Variants in WASF3 observed in about 807,000 individuals in gnomAD.
The protein encoded by WASF3 is WASP family member 3.
Under a neutral mutation model 46.6 loss-of-function variants are expected in WASF3, and 11 were observed. The ratio of observed to expected loss-of-function variants is 0.24; its 90% confidence interval spans 0.15 to 0.39. The LOEUF is 0.39. Among genes scored for constraint, WASF3 ranks in the 10% least tolerant of loss-of-function variants. The pLI is 1.00. For missense variants in WASF3, 576 were observed against 669.8 expected (o/e 0.86, Z 1.55); for synonymous variants, 242 against 259.7 (o/e 0.93, Z 0.65).
intron 1 of WASF3, among the ~76,000 whole-genome samples, chr13:26,580,495 A>G (rs1029305262): frequency 2.6e-5 from 4 of 152,188 alleles, no homozygotes; most frequent in African/African-American, 7.2e-5. Context: ...TTAGCATTCA[A>G]ATATTATTCC....
chr13:26,649,999 G>T (rs1882268059), intron 3 of WASF3, among the ~76,000 whole-genome samples: 1 of 152,142 alleles, frequency 6.6e-6, no homozygotes, highest in South Asian at 2.1e-4. Flanking sequence ...AACCCAGCAG[G>T]CGGAGGTTGC....
At chr13:26,644,868 A>G (rs1251822638) in intron 3 of WASF3, among the ~76,000 whole-genome samples, 1 of 152,158 alleles carries the variant, frequency 6.6e-6, no homozygotes, top group Non-Finnish European at 1.5e-5. Context: ...CGCAAGGCCC[A>G]CAAGGTGGAG....
intron 1 of WASF3, chr13:26,577,620 C>G: frequency 8.4e-7 from 1 of 1,189,650 alleles, no homozygotes. Context: ...GGGAGCAAGA[C>G]AGGTGCTAAA....
chr13:26,659,075 T>C (rs1391826283), intron 3 of WASF3, among the ~76,000 whole-genome samples: 1 of 152,184 alleles, frequency 6.6e-6, no homozygotes, highest in Non-Finnish European at 1.5e-5. Context: ...TATTACTTGG[T>C]GATTAGTGCT....
intron 1 of WASF3, chr13:26,577,369 C>T: frequency 3.9e-6 from 3 of 768,186 alleles, no homozygotes; most frequent in Non-Finnish European, 7.1e-6. Context: ...AACAGGTCCG[C>T]CAAATCCGGA....
Position 26,687,454 on chromosome 13 carries a change from C to G in WASF3, c.*1609C>G, listed in dbSNP as rs776959403. ...TCAGTGTGTGTGTCTCGAGTGGCTACCTGTTGGGCTTGTGGGCAGTGATTG... is the reference window on the plus strand; with the variant it reads ...TCAGTGTGTGTGTCTCGAGTGGCTAGCTGTTGGGCTTGTGGGCAGTGATTG... On this transcript the variant is annotated 3_prime_UTR_variant, in exon 10 of 10. Coordinates refer to ENST00000335327, the MANE Select transcript of WASF3 (RefSeq NM_006646.6). The G allele has an allele frequency of 1.3e-5, 2 of 152,114 alleles. No individual in the cohort carries two copies. Among genetic ancestry groups the G allele is most frequent in the Non-Finnish European group, 2.9e-5 (2 of 68,060 alleles). The allele number at this position is 152,114 out of a possible 1,614,324, so 9.4% of individuals were successfully genotyped here. A position where few individuals can be genotyped will look rare whatever the true frequency, so the allele number is the denominator to read the frequency against.
chr13:26,602,661 G>T (rs1031005537), intron 1 of WASF3, among the ~76,000 whole-genome samples: 3 of 152,134 alleles, frequency 2.0e-5, no homozygotes, highest in African/African-American at 7.2e-5. Flanking sequence ...GAGAGAAAAA[G>T]AAAAACTGAA....
At chr13:26,546,715 A>G in the WASF3 span, among the ~76,000 whole-genome samples, 1 of 152,240 alleles carries the variant, frequency 6.6e-6, no homozygotes, top group South Asian at 2.1e-4. Context: ...CCATCTCAAA[A>G]TAAAATAAAA....
intron 4 of WASF3, among the ~76,000 whole-genome samples, chr13:26,666,999 T>G (rs1882794242): frequency 6.6e-6 from 1 of 152,098 alleles, no homozygotes; most frequent in Non-Finnish European, 1.5e-5. Context: ...TCGATCAAGC[T>G]ACTTAATTTT....
intron 1 of WASF3, among the ~76,000 whole-genome samples, chr13:26,564,484 T>G (rs1879397345): frequency 6.6e-6 from 1 of 152,238 alleles, no homozygotes; most frequent in African/African-American, 2.4e-5. Flanking sequence ...TGAATTGAAT[T>G]TTTAAAAGTT....
At chr13:26,567,066 G>A (rs1879487721) in intron 1 of WASF3, among the ~76,000 whole-genome samples, 1 of 152,244 alleles carries the variant, frequency 6.6e-6, no homozygotes, top group Admixed American at 6.5e-5. Context: ...ACATTGAACA[G>A]TGGTTCTTGT....
chr13:26,649,020 T>C (rs1484071247), intron 3 of WASF3, among the ~76,000 whole-genome samples: 4 of 152,218 alleles, frequency 2.6e-5, no homozygotes, highest in African/African-American at 9.6e-5. Context: ...TCATAATTCT[T>C]AGGAGCACAA....
At chr13:26,640,447 G>C (rs1298494901) in intron 2 of WASF3, 1 of 150,796 alleles carries the variant, frequency 6.6e-6, no homozygotes, top group Non-Finnish European at 1.5e-5. Context: ...TGTCACCCAG[G>C]CTGGAGTGCA....
chr13:26,655,144 A>G (rs1882429548), intron 3 of WASF3, among the ~76,000 whole-genome samples: 2 of 152,220 alleles, frequency 1.3e-5, no homozygotes, highest in Admixed American at 1.3e-4. Context: ...GTATGCATAT[A>G]TATTAAAAAT....
intron 4 of WASF3, among the ~76,000 whole-genome samples, chr13:26,666,623 G>C (rs1378817641): frequency 6.6e-6 from 1 of 152,196 alleles, no homozygotes; most frequent in Middle Eastern, 3.2e-3. Context: ...GAGTTGGCTG[G>C]GCGCGGTGGC....
chr13:26,564,661 A>G (rs1593367716), intron 1 of WASF3, among the ~76,000 whole-genome samples: 1 of 152,208 alleles, frequency 6.6e-6, no homozygotes, highest in African/African-American at 2.4e-5. Context: ...GTGAACTGGA[A>G]TCAGTGTGGC....
Position 26,687,293 on chromosome 13 carries a change from A to T in WASF3, c.*1448A>T, listed in dbSNP as rs1883437096. 6.6e-6 allele frequency: 1 copy of T among 152,262 alleles called. No homozygotes were observed. Among genetic ancestry groups the T allele is most frequent in the African/African-American group, 2.4e-5 (1 of 41,470 alleles). The allele number at this position is 152,262 out of a possible 1,614,324, so 9.4% of individuals were successfully genotyped here. ...ACAGTATTTCATATCCATTGTGGTT[A>T]GTTACTCAGTTATGTTGAGAAGAAT... is the stretch of plus-strand genomic sequence containing the variant. On this transcript the variant is annotated 3_prime_UTR_variant, in exon 10 of 10. Coordinates refer to ENST00000335327, the MANE Select transcript of WASF3 (RefSeq NM_006646.6).
At chr13:26,637,448 A>G (rs1250344713) in intron 2 of WASF3, among the ~76,000 whole-genome samples, 1 of 152,114 alleles carries the variant, frequency 6.6e-6, no homozygotes, top group Non-Finnish European at 1.5e-5. Context: ...TACTCTCACA[A>G]CTGGACCTTG....
At chr13:26,668,306 T>A (rs1166706441) in intron 5 of WASF3, among the ~76,000 whole-genome samples, 1 of 152,238 alleles carries the variant, frequency 6.6e-6, no homozygotes, top group Admixed American at 6.5e-5. Flanking sequence ...CAGCACTTTC[T>A]TCCCATACCT....
Sources: allele counts gnomAD v4.1 joint callset (sites outside exome capture counted in the v4.1 genomes callset), GRCh38; gene constraint gnomAD v4.1.1; transcripts MANE v1.5; gene names NCBI Gene and HGNC (gene_info 2026-07-23, HGNC 2026-07-21).